The following EMILIN2 variants were observed in gnomAD, a reference collection of about 807,000 sequenced individuals.
The protein encoded by EMILIN2 is EMILIN-2.
In EMILIN2, 71 loss-of-function variants were observed where a neutral mutation model predicts 87.1. The observed-to-expected ratio is 0.82, with a 90% confidence interval of 0.67 to 0.99. The LOEUF (loss-of-function observed/expected upper bound fraction) is 0.99. Ranked by LOEUF, EMILIN2 falls within the 50% of genes least tolerant of loss-of-function variation. EMILIN2 has a pLI of 0.00. For missense variants in EMILIN2, 1,407 were observed against 1,371.8 expected (o/e 1.03, Z -0.40); for synonymous variants, 581 against 563.4 (o/e 1.03, Z -0.44).
rs2076771695 is a variant in EMILIN2, at chr18:2,880,512, C to T, written c.258-4452C>T. On this transcript the variant is annotated intron_variant, in intron 2 of 7. Coordinates refer to ENST00000254528, the MANE Select transcript of EMILIN2 (RefSeq NM_032048.3). This position sits in a 1 kb window ranked among gnomAD's most constrained non-coding sequence, Gnocchi z 4.1. ...GGGCCGCCCCCGCCCATACCCAAGG[C>T]ACCTGTGGACGGGGCTCTCCAGAGG... Among the ~76,000 whole-genome samples the T allele has an allele frequency of 1.3e-5, 2 of 152,216 alleles. No individual in the cohort carries two copies. Among genetic ancestry groups the T allele is most frequent in the South Asian group, 4.1e-4 (2 of 4,836 alleles).
chr18:2,913,491 C>G lies in EMILIN2; in HGVS notation c.*87C>G. The stretch of plus-strand genomic sequence containing the variant: ...ATTCGGTTTGTATGTAATGGAAGCA[C>G]GGGGCTAGAGTTTCCACATAGGCCC... On this transcript the variant is annotated 3_prime_UTR_variant, in exon 8 of 8. Transcript: ENST00000254528. The G allele has an allele frequency of 8.9e-7, 1 of 1,129,752 alleles. No homozygotes were observed. The highest frequency in any genetic ancestry group is 1.2e-6 in the Non-Finnish European group (1 of 806,372). The allele number at this position is 1,129,752 out of a possible 1,614,324, so 70.0% of individuals were successfully genotyped here.
intron 4 of EMILIN2, chr18:2,906,489 G>GC: frequency 7.9e-6 from 1 of 127,052 alleles, no homozygotes; most frequent in Non-Finnish European, 1.2e-5. Flanking sequence ...ATCGGGAATT[G>GC]TTGATGCCGG....
At chr18:2,898,153 C>A (rs781047864) in intron 4 of EMILIN2, among the ~76,000 whole-genome samples, 7 of 152,208 alleles carry the variant, frequency 4.6e-5, no homozygotes, top group Admixed American at 3.9e-4. Context: ...CCCAGCCTTA[C>A]CCCCACTCGA....
intron 2 of EMILIN2, among the ~76,000 whole-genome samples, chr18:2,860,049 G>A (rs998361020): frequency 6.6e-6 from 1 of 152,108 alleles, no homozygotes. Context: ...CTTTGGCTAT[G>A]TGGGCTCTTT....
chr18:2,892,252 A>G lies in EMILIN2; in HGVS notation c.2125A>G (p.Met709Val), dbSNP rs769978322. The G allele has an allele frequency of 1.9e-6, 3 of 1,613,654 alleles. No individual in the cohort carries two copies. The Admixed American group carries it at 5.0e-5, about 27-fold the overall frequency. ...CATGGTGGAGGGCAGGGTGTCTCAT[A>G]TGGAGAAAACTTGCAGCAAGCTGGA... ...VSMVEGRVSH[M>V]EKTCSKLDSI... The change falls in exon 4 of 8, where the codon ATG becomes GTG. Residue 709 changes from methionine (M) to valine (V), a missense_variant. Transcript: ENST00000254528.
In EMILIN2 at chr18:2,847,103, C is replaced by A. The variant is rs1378957213; in HGVS notation, c.-86C>A. On this transcript the variant is annotated 5_prime_UTR_variant, in exon 1 of 8. Transcript: ENST00000254528. The surrounding 1 kb of genome is among the most constrained non-coding windows in gnomAD (Gnocchi z 4.5). ...GAGCCTCTTGCCTTCGCGGGCGGCG[C>A]CCTGGCCGCCGGCAGCCTTGTGGCC... The A allele has an allele frequency of 9.3e-7, 1 of 1,071,340 alleles. No individual in the cohort carries two copies. The highest frequency in any genetic ancestry group is 1.1e-6 in the Non-Finnish European group (1 of 879,810). The allele number at this position is 1,071,340 out of a possible 1,614,324, so 66.4% of individuals were successfully genotyped here.
rs138541106 is a variant in EMILIN2, at chr18:2,871,815, G to A, written c.258-13149G>A. ...TGTGGGCAATGGAGTCCATTATTAC[G>A]GAGGTAATCCAAGTTTTTAGTTTTA... is the stretch of plus-strand genomic sequence containing the variant. On this transcript the variant is annotated intron_variant, in intron 2 of 7. Coordinates refer to ENST00000254528, the MANE Select transcript of EMILIN2 (RefSeq NM_032048.3). 7.2e-5 allele frequency among the ~76,000 whole-genome samples: 11 copies of A among 152,234 alleles called. No homozygotes were observed. The East Asian group carries it at 1.7e-3, about 24-fold the overall frequency.
At chr18:2,872,994 A>G (rs2076727670) in intron 2 of EMILIN2, among the ~76,000 whole-genome samples, 1 of 152,092 alleles carries the variant, frequency 6.6e-6, no homozygotes, top group African/African-American at 2.4e-5. Context: ...CTTAACCCAC[A>G]GATCTTAAGT....
chr18:2,893,389 G>T (rs980237206), intron 4 of EMILIN2, among the ~76,000 whole-genome samples: 5 of 152,206 alleles, frequency 3.3e-5, no homozygotes, highest in African/African-American at 1.2e-4. Flanking sequence ...ACACAGGACC[G>T]TGGATGAGAG....
Position 2,915,792 on chromosome 18 carries a change from G to C in EMILIN2, c.*2388G>C, listed in dbSNP as rs2076965775. 6.6e-6 allele frequency: 1 copy of C among 152,234 alleles called. No homozygotes were observed. Among genetic ancestry groups the C allele is most frequent in the African/African-American group, 2.4e-5 (1 of 41,384 alleles). The allele number at this position is 152,234 out of a possible 1,614,324, so 9.4% of individuals were successfully genotyped here. On this transcript the variant is annotated 3_prime_UTR_variant, in exon 8 of 8. Transcript: ENST00000254528. Reference sequence around the variant, plus strand: ...CCCACCTCGGCCTCCCAAAGTGCTGGGATTACAGGTATGAGCCACCACGCC... The same window carrying C: ...CCCACCTCGGCCTCCCAAAGTGCTGCGATTACAGGTATGAGCCACCACGCC...
At chr18:2,906,150 G>A (rs1598505686) in intron 4 of EMILIN2, 2 of 152,206 alleles carry the variant, frequency 1.3e-5, no homozygotes, top group African/African-American at 2.4e-5. Context: ...CTTCCTGGAG[G>A]GCTCGTTCCG....
At chr18:2,868,559 C>T (rs958008537) in intron 2 of EMILIN2, among the ~76,000 whole-genome samples, 3 of 152,232 alleles carry the variant, frequency 2.0e-5, no homozygotes, top group African/African-American at 4.8e-5. Context: ...CTCGGGAGGC[C>T]GAGGCTGGCG....
At chr18:2,866,835 G>T (rs2076688717) in intron 2 of EMILIN2, among the ~76,000 whole-genome samples, 1 of 152,200 alleles carries the variant, frequency 6.6e-6, no homozygotes, top group Admixed American at 6.5e-5. Context: ...CTGTAGGTTT[G>T]TCATAGATGG....
intron 2 of EMILIN2, among the ~76,000 whole-genome samples, chr18:2,858,889 G>C (rs1044573096): frequency 1.3e-5 from 2 of 151,910 alleles, no homozygotes; most frequent in African/African-American, 4.8e-5. Flanking sequence ...ACCCACCCCA[G>C]CCTCCCAAAG....
chr18:2,867,313 A>G (rs1568459106), intron 2 of EMILIN2, among the ~76,000 whole-genome samples: 1 of 151,880 alleles, frequency 6.6e-6, no homozygotes, highest in East Asian at 1.9e-4. Flanking sequence ...TATTTTTTTA[A>G]GACAATAGTA....
intron 2 of EMILIN2, among the ~76,000 whole-genome samples, chr18:2,873,565 G>T (rs1365949981): frequency 6.6e-6 from 1 of 151,566 alleles, no homozygotes; most frequent in Non-Finnish European, 1.5e-5. Flanking sequence ...AAATTAGCCG[G>T]GCGTGGTGGC....
At chr18:2,905,102 C>G (rs891115433) in intron 4 of EMILIN2, among the ~76,000 whole-genome samples, 3 of 152,092 alleles carry the variant, frequency 2.0e-5, no homozygotes, top group African/African-American at 7.2e-5. Flanking sequence ...AATCCTGATG[C>G]CATTCTATTG....
In EMILIN2 at chr18:2,891,226, G is replaced by C; in HGVS notation, c.1099G>C (p.Glu367Gln). The change falls in exon 4 of 8, where the codon GAG (glutamate) becomes CAG (glutamine). Residue 367 changes from glutamate to glutamine, a missense_variant. By Grantham distance (29) the Glu-to-Gln change is conservative. Coordinates refer to ENST00000254528, the MANE Select transcript of EMILIN2 (RefSeq NM_032048.3). This position sits in a 1 kb window ranked among gnomAD's most constrained non-coding sequence, Gnocchi z 4.6. ...DYGSSYLGVI[E>Q]LIGEKETSLR... ...TGGGAGCAGCTACCTGGGAGTGATA[G>C]AGCTCATAGGGGAGAAGGAAACAAG... The C allele has an allele frequency of 6.2e-7, 1 of 1,614,176 alleles. No individual in the cohort carries two copies. Among genetic ancestry groups the C allele is most frequent in the Non-Finnish European group, 8.5e-7 (1 of 1,180,038 alleles).
intron 2 of EMILIN2, among the ~76,000 whole-genome samples, chr18:2,868,071 C>G (rs1299239295): frequency 1.3e-4 from 20 of 152,118 alleles, no homozygotes; most frequent in Non-Finnish European, 2.8e-4. Flanking sequence ...CGGGGCTCCT[C>G]ACTTCTCAGA....
Sources: allele counts gnomAD v4.1 joint callset (sites outside exome capture counted in the v4.1 genomes callset), GRCh38; gene constraint gnomAD v4.1.1; non-coding constraint Gnocchi (gnomAD v3.1); transcripts MANE v1.5; gene names NCBI Gene and HGNC (gene_info 2026-07-23, HGNC 2026-07-21).